Variants in SYT14 observed in about 807,000 individuals in gnomAD.
The protein encoded by SYT14 is synaptotagmin-14.
In SYT14, 32 loss-of-function variants were observed where a neutral mutation model predicts 74.2. The ratio of observed to expected loss-of-function variants is 0.43; its 90% CI spans 0.33 to 0.58. The LOEUF (loss-of-function observed/expected upper bound fraction) is 0.58, where lower values mean the gene tolerates loss of function less well. Among genes scored for constraint, SYT14 ranks in the 20% least tolerant of loss-of-function variants. SYT14 has a pLI of 0.05. For synonymous variants in SYT14, 298 were observed against 337.7 expected, an observed-to-expected ratio of 0.88 and a Z score of 1.29; for missense variants, 791 against 981.8, an observed-to-expected ratio of 0.81 and a Z score of 2.60.
intron 2 of SYT14, among the ~76,000 whole-genome samples, chr1:210,005,442 C>G (rs949401650): frequency 3.3e-5 from 5 of 151,924 alleles, no homozygotes; most frequent in African/African-American, 9.6e-5. Flanking sequence ...CAAAATCTTA[C>G]TCATAGTAGC....
At chr1:210,166,873 A>G (rs2083461241) in exon 10 of SYT14, 1 of 152,178 alleles carries the variant, frequency 6.6e-6, no homozygotes, top group Admixed American at 6.5e-5. Context: ...TGATAGTAAT[A>G]CAGAGATTAA....
chr1:210,108,803 G>A (rs2082205889), intron 7 of SYT14, among the ~76,000 whole-genome samples: 1 of 152,192 alleles, frequency 6.6e-6, no homozygotes. Context: ...AGAAAGGTTA[G>A]TGGACTGAAA....
intron 5 of SYT14, among the ~76,000 whole-genome samples, chr1:210,032,398 T>C (rs2080558784): frequency 6.6e-6 from 1 of 152,064 alleles, no homozygotes; most frequent in Non-Finnish European, 1.5e-5. Flanking sequence ...ATCAGGTTTG[T>C]CCCACACCAG....
chr1:210,028,335 T>C (rs1164275923), intron 5 of SYT14, among the ~76,000 whole-genome samples: 1 of 142,144 alleles, frequency 7.0e-6, no homozygotes, highest in African/African-American at 2.6e-5. Context: ...GCTCAATAGT[T>C]TTCAATTCTA....
Position 210,169,221 on chromosome 1 carries a change from G to GTTTTTTTTTTTTTTTTTTT in SYT14, c.*8191_*8209dup, listed in dbSNP as rs35974726. 2.0e-4 allele frequency: 10 copies of GTTTTTTTTTTTTTTTTTTT among 50,244 alleles called. No individual in the cohort carries two copies. The South Asian group carries it at 2.9e-3, about 14-fold the overall frequency. The allele number at this position is 50,244 out of a possible 1,614,324, so 3.1% of individuals were successfully genotyped here. The stretch of plus-strand genomic sequence containing the variant: ...CTTTTTTGGTTTTTATGTTTTTGGT[G>GTTTTTTTTTTTTTTTTTTT]TTTTTTTTTTTTTTTTTTTTTTTTT... On this transcript the variant is annotated 3_prime_UTR_variant, in exon 10 of 10. Coordinates refer to ENST00000637265, the Ensembl canonical transcript of SYT14.
intron 2 of SYT14, among the ~76,000 whole-genome samples, chr1:209,970,077 C>A (rs938770969): frequency 6.6e-6 from 1 of 152,068 alleles, no homozygotes; most frequent in African/African-American, 2.4e-5. Flanking sequence ...GATGTAGTCC[C>A]ATTTGTCTAT....
intron 5 of SYT14, among the ~76,000 whole-genome samples, chr1:210,087,436 A>G (rs1436059738): frequency 1.3e-5 from 2 of 152,046 alleles, no homozygotes; most frequent in South Asian, 2.1e-4. Flanking sequence ...CTGACTGCAC[A>G]TTAGGTTGCT....
At chr1:210,052,226 GT>G (rs113099850) in intron 5 of SYT14, among the ~76,000 whole-genome samples, 5 of 148,254 alleles carry the variant, frequency 3.4e-5, no homozygotes, top group Non-Finnish European at 6.0e-5. Context: ...AAATTTTAGG[GT>G]TTTTTTTTTC....
At chr1:210,063,511 T>C (rs1033842565) in intron 5 of SYT14, among the ~76,000 whole-genome samples, 3 of 151,938 alleles carry the variant, frequency 2.0e-5, no homozygotes, top group African/African-American at 7.2e-5. Flanking sequence ...AGCTGAACTT[T>C]TAGAATAATT....
intron 7 of SYT14, among the ~76,000 whole-genome samples, chr1:210,111,611 C>T (rs2082263691): frequency 6.6e-6 from 1 of 151,050 alleles, no homozygotes; most frequent in Non-Finnish European, 1.5e-5. Context: ...AGAGATTAAG[C>T]TGAAGGAAGA....
At chr1:210,042,988 T>C (rs1191962839) in intron 5 of SYT14, among the ~76,000 whole-genome samples, 1 of 152,234 alleles carries the variant, frequency 6.6e-6, no homozygotes, top group African/African-American at 2.4e-5. Context: ...TCCATGAGCA[T>C]GGAATGTTTT....
chr1:210,024,125 A>G (rs2080360519), intron 5 of SYT14, among the ~76,000 whole-genome samples: 1 of 152,162 alleles, frequency 6.6e-6, no homozygotes, highest in Non-Finnish European at 1.5e-5. Context: ...GAAAGGAGAG[A>G]TGAAGTCTAA....
intron 7 of SYT14, among the ~76,000 whole-genome samples, chr1:210,134,205 C>T (rs1406102580): frequency 1.3e-5 from 2 of 151,998 alleles, no homozygotes; most frequent in African/African-American, 2.4e-5. Context: ...CAGGCTCAAG[C>T]GATCCTCCCA....
intron 2 of SYT14, among the ~76,000 whole-genome samples, chr1:209,957,966 T>C (rs2079019176): frequency 6.6e-6 from 1 of 152,172 alleles, no homozygotes; most frequent in South Asian, 2.1e-4. Flanking sequence ...TCTCTGTCTT[T>C]CTAGTGCTTT....
chr1:210,035,408 C>G (rs374706706), intron 5 of SYT14, among the ~76,000 whole-genome samples: 2 of 151,494 alleles, frequency 1.3e-5, no homozygotes, highest in Admixed American at 6.6e-5. Flanking sequence ...GTGCAGTTGC[C>G]TTTTAGTTTA....
chr1:210,003,181 C>T (rs1417647050), intron 2 of SYT14, among the ~76,000 whole-genome samples: 2 of 152,168 alleles, frequency 1.3e-5, no homozygotes, highest in African/African-American at 4.8e-5. Flanking sequence ...TGATCCCTCA[C>T]TCACCCACTG....
At chr1:210,107,647 A>C (rs2082183215) in intron 7 of SYT14, among the ~76,000 whole-genome samples, 1 of 152,178 alleles carries the variant, frequency 6.6e-6, no homozygotes, top group South Asian at 2.1e-4. Flanking sequence ...TTTAGAAAAT[A>C]ATCAGCAAGG....
intron 7 of SYT14, among the ~76,000 whole-genome samples, chr1:210,104,126 C>G (rs530227746): frequency 6.6e-6 from 1 of 152,304 alleles, no homozygotes; most frequent in South Asian, 2.1e-4. Flanking sequence ...ATCTGGTGTT[C>G]AGAGGCAATA....
intron 6 of SYT14, among the ~76,000 whole-genome samples, chr1:210,098,749 T>G (rs772043336): frequency 6.6e-6 from 1 of 152,072 alleles, no homozygotes; most frequent in East Asian, 1.9e-4. Flanking sequence ...GGCATGATCT[T>G]GGCTCACTGC....
Sources: gnomAD v4.1 joint callset for allele counts (sites outside exome capture counted in the v4.1 genomes callset) on GRCh38, gnomAD v4.1.1 for gene constraint, MANE v1.5 for transcripts, NCBI Gene and HGNC (gene_info 2026-07-23, HGNC 2026-07-21) for gene names.